Variants in DPP6 observed in about 807,000 individuals in gnomAD.
The protein encoded by DPP6 is A-type potassium channel modulatory protein DPP6.
A neutral mutation model predicts 122.6 loss-of-function variants in DPP6; 69 were observed. The ratio of observed to expected loss-of-function variants is 0.56; its 90% confidence interval spans 0.46 to 0.69. DPP6 has a LOEUF of 0.69. Among genes scored for constraint, DPP6 ranks in the 30% least tolerant of loss-of-function variants. The pLI is 0.00. For missense variants in DPP6, 928 were observed against 1,116.9 expected (o/e 0.83, Z 2.41); for synonymous variants, 418 against 433.1 (o/e 0.97, Z 0.43).
chr7:154,671,895 G>T (rs1838588916), intron 7 of DPP6, among the ~76,000 whole-genome samples: 1 of 129,250 alleles, frequency 7.7e-6, no homozygotes, highest in Non-Finnish European at 1.7e-5. Flanking sequence ...CACAATGGTA[G>T]CTAGCCATCC....
chr7:154,235,656 C>T (rs1049414598), intron 1 of DPP6, among the ~76,000 whole-genome samples: 9 of 151,992 alleles, frequency 5.9e-5, no homozygotes, highest in African/African-American at 2.2e-4. Flanking sequence ...TGCGATTTGC[C>T]CAGTTTGCTG....
chr7:153,838,511 C>G, the DPP6 span, among the ~76,000 whole-genome samples: 6 of 152,060 alleles, frequency 3.9e-5, no homozygotes, highest in Non-Finnish European at 8.8e-5. Flanking sequence ...ATTGTTGAAA[C>G]AGCAAGGTGA....
intron 1 of DPP6, among the ~76,000 whole-genome samples, chr7:153,924,297 C>T (rs1026528498): frequency 1.3e-5 from 2 of 151,954 alleles, no homozygotes; most frequent in South Asian, 2.1e-4. Context: ...TTAGTAGAGA[C>T]GAGGTTTCAC....
At chr7:154,445,309 TTAA>T (rs1207918133) in intron 1 of DPP6, among the ~76,000 whole-genome samples, 3 of 152,190 alleles carry the variant, frequency 2.0e-5, no homozygotes, top group Admixed American at 1.3e-4. Flanking sequence ...TCCTGTATAA[TTAA>T]TAATAATCCA....
intron 6 of DPP6, among the ~76,000 whole-genome samples, chr7:154,643,200 T>G (rs2130949523): frequency 6.6e-6 from 1 of 152,288 alleles, no homozygotes; most frequent in South Asian, 2.1e-4. Context: ...AAAAGAAGTA[T>G]CTATGGCCTC....
chr7:154,755,754 T>C lies in DPP6; in HGVS notation c.884-13663T>C, dbSNP rs1444497367. Among the ~76,000 whole-genome samples, 1 of 152,140 alleles carries C rather than the reference T, an allele frequency of 6.6e-6. No homozygotes were observed. Among genetic ancestry groups the C allele is most frequent in the Non-Finnish European group, 1.5e-5 (1 of 68,022 alleles). Reference sequence around the variant, plus strand: ...CACACATTTTCCCTGTAAATCTTGATAGGAAGAAGGAAAAGGTCAGGATGT... The same window carrying C: ...CACACATTTTCCCTGTAAATCTTGACAGGAAGAAGGAAAAGGTCAGGATGT... On this transcript the variant is annotated intron_variant, in intron 8 of 25. Transcript: ENST00000377770. This position sits in a 1 kb window ranked among gnomAD's most constrained non-coding sequence, Gnocchi z 4.7.
chr7:154,373,053 G>T (rs1482893130), intron 1 of DPP6, among the ~76,000 whole-genome samples: 1 of 152,158 alleles, frequency 6.6e-6, no homozygotes, highest in East Asian at 1.9e-4. Flanking sequence ...CTGCTGTCTT[G>T]CCCTGCACCA....
the DPP6 span, among the ~76,000 whole-genome samples, chr7:153,793,972 C>T: frequency 2.6e-5 from 4 of 152,214 alleles, no homozygotes; most frequent in African/African-American, 9.6e-5. Flanking sequence ...TTGGGAACCT[C>T]CACCTAGATT....
intron 6 of DPP6, among the ~76,000 whole-genome samples, chr7:154,662,561 G>T (rs1837801572): frequency 1.2e-5 from 1 of 81,878 alleles, no homozygotes; most frequent in Non-Finnish European, 2.4e-5. Flanking sequence ...ATCAGCCGTA[G>T]TGTTCATATA....
chr7:154,588,179 A>T, intron 5 of DPP6: 1 of 1,510,410 alleles, frequency 6.6e-7, no homozygotes, highest in Admixed American at 2.1e-5. Flanking sequence ...TGCCTTCCCC[A>T]TCCTATCCCT....
At chr7:153,750,092 C>T in the DPP6 span, among the ~76,000 whole-genome samples, 2 of 152,066 alleles carry the variant, frequency 1.3e-5, no homozygotes, top group Non-Finnish European at 2.9e-5. Flanking sequence ...TCTACTTGTT[C>T]GGAGTTGAAG....
intron 1 of DPP6, among the ~76,000 whole-genome samples, chr7:154,353,472 G>A (rs534403645): frequency 2.6e-5 from 4 of 152,128 alleles, no homozygotes; most frequent in Non-Finnish European, 4.4e-5. Flanking sequence ...GAACCAGCCC[G>A]TTATTCTAAT....
At chr7:153,877,272 C>A in the DPP6 span, among the ~76,000 whole-genome samples, 769 of 152,196 alleles carry the variant, frequency 5.1e-3, 8 homozygotes, top group African/African-American at 0.017. Context: ...TACAATCATA[C>A]AGATATTTTC....
chr7:154,438,329 G>A (rs1819052624), intron 1 of DPP6, among the ~76,000 whole-genome samples: 3 of 151,614 alleles, frequency 2.0e-5, no homozygotes, highest in African/African-American at 7.3e-5. Flanking sequence ...AATTAGCCGG[G>A]CGTGGTGGCG....
intron 6 of DPP6, among the ~76,000 whole-genome samples, chr7:154,654,265 T>G (rs1177690099): frequency 6.6e-6 from 1 of 152,040 alleles, no homozygotes; most frequent in Non-Finnish European, 1.5e-5. Flanking sequence ...GTGCTCATAT[T>G]TGTGATCATA....
intron 1 of DPP6, among the ~76,000 whole-genome samples, chr7:154,147,210 G>T (rs539580305): frequency 3.3e-5 from 5 of 152,276 alleles, no homozygotes; most frequent in African/African-American, 9.6e-5. Context: ...AGGCAAAAGT[G>T]AGAGGTCAGA....
intron 1 of DPP6, among the ~76,000 whole-genome samples, chr7:154,274,087 A>G (rs1190017180): frequency 5.3e-5 from 8 of 152,236 alleles, no homozygotes; most frequent in African/African-American, 1.9e-4. Flanking sequence ...TGCTTCTGTT[A>G]TTTGCTCTCT....
intron 17 of DPP6, among the ~76,000 whole-genome samples, chr7:154,854,748 C>T (rs529573189): frequency 2.0e-5 from 3 of 152,164 alleles, no homozygotes; most frequent in South Asian, 4.1e-4. Context: ...CAGGTTGCCA[C>T]GGGCACATCC....
chr7:153,886,154 G>C (rs1269720564), upstream of DPP6, among the ~76,000 whole-genome samples: 9 of 101,838 alleles, frequency 8.8e-5, no homozygotes, highest in Non-Finnish European at 1.5e-4. Context: ...CACACACACA[G>C]CCTGATGTGT....
Sources: allele counts gnomAD v4.1 joint callset (sites outside exome capture counted in the v4.1 genomes callset), GRCh38; gene constraint gnomAD v4.1.1; non-coding constraint Gnocchi (gnomAD v3.1); transcripts MANE v1.5; gene names NCBI Gene and HGNC (gene_info 2026-07-23, HGNC 2026-07-21).